Variants in RAB40C observed in about 807,000 individuals in gnomAD.
RAB40C encodes the protein RAB40C, member RAS oncogene family.
A neutral mutation model predicts 28.1 loss-of-function variants in RAB40C; 8 were observed. The ratio of observed to expected loss-of-function variants is 0.28; its 90% CI spans 0.17 to 0.51. The LOEUF is 0.51. Ranked by LOEUF, RAB40C falls within the 20% of genes least tolerant of loss-of-function variation. The pLI is 0.97. For synonymous variants in RAB40C, 201 were observed against 171.7 expected, an observed-to-expected ratio of 1.17 and a Z score of -1.34; for missense variants, 288 against 405.9, an observed-to-expected ratio of 0.71 and a Z score of 2.50.
rs1053192910 is a variant in RAB40C, at chr16:615,209, C to G, written c.143-1999C>G. Among the ~76,000 whole-genome samples, 10 of 152,162 alleles carry G rather than the reference C, an allele frequency of 6.6e-5. 1 individual carries two copies. In the South Asian group the frequency reaches 2.1e-3, roughly 32 times the overall value. ...GCATTTTTCTGTCCATTGATGGTGT[C>G]CTTCGATGCATGAGAACAGCCTTTG... is the stretch of plus-strand genomic sequence containing the variant. On this transcript the variant is annotated intron_variant, in intron 1 of 5. Transcript: ENST00000248139.
intron 1 of RAB40C, among the ~76,000 whole-genome samples, chr16:607,951 C>A (rs981137961): frequency 6.6e-6 from 1 of 152,134 alleles, no homozygotes; most frequent in Non-Finnish European, 1.5e-5. Context: ...TGCTGTGAGA[C>A]CCCCTCTGAA....
intron 1 of RAB40C, among the ~76,000 whole-genome samples, chr16:597,735 C>T (rs1446031542): frequency 2.0e-5 from 3 of 151,642 alleles, no homozygotes; most frequent in Non-Finnish European, 2.9e-5. Flanking sequence ...GCAATCCGCC[C>T]GCCTCAGCTT....
intron 2 of RAB40C, among the ~76,000 whole-genome samples, chr16:617,723 G>A (rs12921119): frequency 6.6e-6 from 1 of 152,124 alleles, no homozygotes; most frequent in Admixed American, 6.5e-5. Flanking sequence ...GGCGCCTGTA[G>A]TCCCAGCCAC....
At chr16:622,891 G>C (rs894934529) in intron 3 of RAB40C, among the ~76,000 whole-genome samples, 2 of 152,206 alleles carry the variant, frequency 1.3e-5, no homozygotes, top group Non-Finnish European at 2.9e-5. Context: ...TGCCCCTTGA[G>C]ACACGCAGCT....
Position 590,256 on chromosome 16 carries a change from G to GGTAGGCGGCCGGCGCGGGGC in RAB40C, c.-35_-34insTAGGCGGCCGGCGCGGGGCG. On this transcript the variant is annotated 5_prime_UTR_variant, in exon 1 of 6. Transcript: ENST00000248139. Reference sequence around the variant, plus strand: ...CCGCGGCCTCACCCGGCGGTGCTTCGGCAGGCGGCCGGCGCGGGGCGCAGG... The same window carrying GGTAGGCGGCCGGCGCGGGGC: ...CCGCGGCCTCACCCGGCGGTGCTTCGGTAGGCGGCCGGCGCGGGGCGCAGGCGGCCGGCGCGGGGCGCAGG... 1 of 1,419,442 alleles carries GGTAGGCGGCCGGCGCGGGGC rather than the reference G, an allele frequency of 7.0e-7. No individual in the cohort carries two copies. The highest frequency in any genetic ancestry group is 9.2e-7 in the Non-Finnish European group (1 of 1,082,012). The allele number at this position is 1,419,442 out of a possible 1,614,324, so 87.9% of individuals were successfully genotyped here.
chr16:624,187 A>G lies in RAB40C; in HGVS notation c.265-1245A>G, dbSNP rs984844275. ...GTTACTTCTGAGTTGTGGGCTTGCC[A>G]TGCGGGAGGTTGCCATGCGGGAGGT... is the stretch of plus-strand genomic sequence containing the variant. On this transcript the variant is annotated intron_variant, in intron 3 of 5. Coordinates refer to ENST00000248139, the MANE Select transcript of RAB40C (RefSeq NM_021168.5). The G allele has an allele frequency of 3.0e-6, 3 of 984,960 alleles. No homozygotes were observed. The African/African-American group carries it at 5.3e-5, about 17-fold the overall frequency. 61.0% of individuals were successfully genotyped at this position (984,960 alleles called of 1,614,324 possible).
chr16:625,545 C>T, intron 4 of RAB40C, 36 bp downstream of exon 4: 1 of 1,599,480 alleles, frequency 6.3e-7, no homozygotes, highest in South Asian at 1.1e-5. Flanking sequence ...CCGGGGAAGG[C>T]AGGCTGGATG....
At chr16:594,005 G>A (rs894760206) in intron 1 of RAB40C, among the ~76,000 whole-genome samples, 2 of 152,216 alleles carry the variant, frequency 1.3e-5, no homozygotes, top group Admixed American at 6.5e-5. Context: ...GCTCCAGGGT[G>A]TGGGCCAGGG....
At chr16:599,014 C>T (rs971304808) in intron 1 of RAB40C, among the ~76,000 whole-genome samples, 1 of 152,194 alleles carries the variant, frequency 6.6e-6, no homozygotes, top group Non-Finnish European at 1.5e-5. Flanking sequence ...TTGTCGGCCA[C>T]CTGGGCACAG....
chr16:616,143 C>G (rs1184829935), intron 1 of RAB40C, among the ~76,000 whole-genome samples: 1 of 151,560 alleles, frequency 6.6e-6, no homozygotes, highest in Non-Finnish European at 1.5e-5. Context: ...TGTAGTTCAG[C>G]TACTCAGCAG....
chr16:618,658 G>T (rs111956308), intron 3 of RAB40C, among the ~76,000 whole-genome samples: 132 of 129,172 alleles, frequency 1.0e-3, no homozygotes, highest in Middle Eastern at 4.8e-3. Flanking sequence ...CAGTGTGTGC[G>T]CAGGTGTGGT....
chr16:614,244 T>C, intron 1 of RAB40C, among the ~76,000 whole-genome samples: 1 of 148,320 alleles, frequency 6.7e-6, no homozygotes. Context: ...ACTGCCTAAC[T>C]CTACCTCGTC....
rs71391137 is a variant in RAB40C, at chr16:603,773, TCAGCCCC to T, written c.142+13352_142+13358del. On this transcript the variant is annotated intron_variant, in intron 1 of 5. Transcript: ENST00000248139. ...AGAAAGCCCCTCAGGCCCTGCCGAGTCAGCCCCCAGCCCCCAGCAGTCGGCTTCCATC... is the reference window on the plus strand; with the variant it reads ...AGAAAGCCCCTCAGGCCCTGCCGAGTCAGCCCCCAGCAGTCGGCTTCCATC... Among the ~76,000 whole-genome samples the T allele has an allele frequency of 9.0e-3, 1,366 of 151,692 alleles. 8 individuals carry two copies. Among genetic ancestry groups the T allele is most frequent in the Non-Finnish European group, 0.014 (929 of 67,876 alleles).
At chr16:592,766 T>C (rs925460742) in intron 1 of RAB40C, among the ~76,000 whole-genome samples, 21 of 152,230 alleles carry the variant, frequency 1.4e-4, no homozygotes, top group Admixed American at 1.4e-3. Context: ...AAGGCGTGCT[T>C]CTGAGGGCCG....
At chr16:613,694 T>A (rs2036529188) in intron 1 of RAB40C, among the ~76,000 whole-genome samples, 1 of 152,234 alleles carries the variant, frequency 6.6e-6, no homozygotes, top group Non-Finnish European at 1.5e-5. Flanking sequence ...TCCGTATTTT[T>A]TTCCCCAGAG....
intron 1 of RAB40C, among the ~76,000 whole-genome samples, chr16:598,781 G>T (rs533955945): frequency 5.3e-5 from 8 of 152,058 alleles, no homozygotes; most frequent in Non-Finnish European, 7.4e-5. Context: ...AAGAAGAGAA[G>T]AGCTGAGTCC....
At chr16:623,629 T>TC (rs1203113637) in intron 3 of RAB40C, among the ~76,000 whole-genome samples, 1 of 129,668 alleles carries the variant, frequency 7.7e-6, no homozygotes, top group African/African-American at 3.0e-5. Flanking sequence ...AGAGTGAGAC[T>TC]CCGTCTCAAA....
intron 1 of RAB40C, among the ~76,000 whole-genome samples, chr16:593,047 C>T (rs918588204): frequency 6.6e-6 from 1 of 152,252 alleles, no homozygotes; most frequent in African/African-American, 2.4e-5. Context: ...GGGCCCGGGG[C>T]ACACTTCCAG....
intron 1 of RAB40C, among the ~76,000 whole-genome samples, chr16:608,518 A>G (rs1417903313): frequency 6.6e-6 from 1 of 152,200 alleles, no homozygotes; most frequent in African/African-American, 2.4e-5. Flanking sequence ...CCTCAGCGCC[A>G]TCAGACCCAG....
Sources: allele counts gnomAD v4.1 joint callset (sites outside exome capture counted in the v4.1 genomes callset), GRCh38; gene constraint gnomAD v4.1.1; transcripts MANE v1.5; gene names NCBI Gene and HGNC (gene_info 2026-07-23, HGNC 2026-07-21).